TNKS2: variants seen among roughly 807,000 people sequenced by gnomAD.
TNKS2 encodes the protein tankyrase 2, also known as poly [ADP-ribose] polymerase tankyrase-2.
A neutral mutation model predicts 137.6 loss-of-function variants in TNKS2; 72 were observed. That is an observed-to-expected ratio of 0.52 (90% CI 0.43 to 0.64). The LOEUF (loss-of-function observed/expected upper bound fraction) is 0.64, where lower values mean the gene tolerates loss of function less well. TNKS2 is among the 30% of genes least tolerant of loss of function. TNKS2 has a pLI of 0.00. For missense variants in TNKS2, 1,049 were observed against 1,410.2 expected, an observed-to-expected ratio of 0.74 and a Z score of 4.10; for synonymous variants, 516 against 512.1, an observed-to-expected ratio of 1.01 and a Z score of -0.10.
intron 2 of TNKS2, among the ~76,000 whole-genome samples, chr10:91,814,366 C>G (rs1244429845): frequency 6.6e-6 from 1 of 151,968 alleles, no homozygotes; most frequent in Non-Finnish European, 1.5e-5. Context: ...TTACAAAAGT[C>G]AAAAAGCCTT....
intron 1 of TNKS2, among the ~76,000 whole-genome samples, chr10:91,803,527 T>C (rs543353270): frequency 6.6e-6 from 1 of 152,248 alleles, no homozygotes; most frequent in South Asian, 2.1e-4. Context: ...CCTGTAGTCC[T>C]AGCTACTTGG....
intron 17 of TNKS2, 43 bp from the exon 18 acceptor site, chr10:91,845,709 A>G (rs1407222887): frequency 1.4e-6 from 2 of 1,382,108 alleles, no homozygotes; most frequent in Non-Finnish European, 1.9e-6. Context: ...GTAAAGTGTG[A>G]CAAAATAATA....
At chr10:91,847,459 G>A (rs1024824686) in intron 18 of TNKS2, among the ~76,000 whole-genome samples, 2 of 152,080 alleles carry the variant, frequency 1.3e-5, no homozygotes, top group Non-Finnish European at 2.9e-5. Flanking sequence ...CCGCCTCCCA[G>A]GTTCAAATGA....
At chr10:91,809,225 GA>G (rs1242262033) in intron 1 of TNKS2, among the ~76,000 whole-genome samples, 2 of 152,074 alleles carry the variant, frequency 1.3e-5, no homozygotes, top group African/African-American at 4.8e-5. Flanking sequence ...CAACGTATGT[GA>G]AAAAAAGTGG....
Position 91,798,899 on chromosome 10 carries a change from G to A in TNKS2, c.199+10G>A. 1.4e-6 allele frequency: 2 copies of A among 1,380,168 alleles called. No individual in the cohort carries two copies. Among genetic ancestry groups the A allele is most frequent in the South Asian group, 1.7e-5 (1 of 59,982 alleles). 85.5% of individuals were successfully genotyped at this position (1,380,168 alleles called of 1,614,324 possible). ...CTGCACTTCGCCGCAGGTAACCGGG[G>A]CCAGCGTCCCCTCGCCTCGCTCCAG... On this transcript the variant is annotated intron_variant, in intron 1 of 26. Transcript: ENST00000371627.
intron 12 of TNKS2, among the ~76,000 whole-genome samples, chr10:91,836,054 T>TG (rs1759584432): frequency 1.4e-5 from 2 of 146,012 alleles, no homozygotes; most frequent in Non-Finnish European, 3.0e-5. Context: ...TTTTTTTTTT[T>TG]TTTTTGAGAC....
chr10:91,823,930 G>A (rs912859517), intron 7 of TNKS2, among the ~76,000 whole-genome samples: 1 of 152,162 alleles, frequency 6.6e-6, no homozygotes, highest in Non-Finnish European at 1.5e-5. Context: ...TGGCTGTAAT[G>A]TTATACATTT....
At chr10:91,846,514 T>G (rs886714788) in intron 18 of TNKS2, among the ~76,000 whole-genome samples, 1 of 152,250 alleles carries the variant, frequency 6.6e-6, no homozygotes. Flanking sequence ...GAGCTTCCAC[T>G]GAACCTTCCA....
chr10:91,849,478 A>C, intron 19 of TNKS2, 34 bp from the exon 20 acceptor site: 2 of 1,530,922 alleles, frequency 1.3e-6, no homozygotes, highest in Middle Eastern at 1.7e-4. Context: ...TCTGATGTGA[A>C]ATTCCATTTG....
At chr10:91,851,158 T>C in intron 20 of TNKS2, 58 bp from the exon 21 acceptor site, 1 of 1,587,164 alleles carries the variant, frequency 6.3e-7, no homozygotes. Flanking sequence ...AAAACACCAA[T>C]ATATGAATGT....
chr10:91,827,717 G>A (rs1845111103), intron 8 of TNKS2, among the ~76,000 whole-genome samples: 1 of 152,148 alleles, frequency 6.6e-6, no homozygotes, highest in African/African-American at 2.4e-5. Context: ...ACTTATATTG[G>A]ATTTATATTA....
intron 21 of TNKS2, among the ~76,000 whole-genome samples, chr10:91,854,795 C>T (rs762146536): frequency 4.6e-5 from 7 of 151,002 alleles, no homozygotes; most frequent in African/African-American, 1.5e-4. Flanking sequence ...CTCAGGTACC[C>T]GGGATGCTAA....
chr10:91,837,143 C>T (rs1224212802), intron 13 of TNKS2, 145 bp downstream of exon 13: 5 of 658,932 alleles, frequency 7.6e-6, no homozygotes, highest in Non-Finnish European at 9.1e-6. Context: ...TTGTTCTCTA[C>T]AAATGAGTAG....
At chr10:91,848,251 T>G (rs1414969675) in intron 18 of TNKS2, 132 bp from the exon 19 acceptor site, 5 of 1,022,970 alleles carry the variant, frequency 4.9e-6, no homozygotes, top group Non-Finnish European at 6.8e-6. Flanking sequence ...CTTTTTAAAA[T>G]GAATAATCCT....
intron 1 of TNKS2, among the ~76,000 whole-genome samples, chr10:91,806,489 C>T (rs1037002957): frequency 6.6e-6 from 1 of 152,070 alleles, no homozygotes; most frequent in African/African-American, 2.4e-5. Flanking sequence ...GATCATCATT[C>T]CATTCATACA....
In TNKS2 at chr10:91,831,200, A is replaced by G. The variant is rs1414933724; in HGVS notation, c.1275+19A>G. On this transcript the variant is annotated intron_variant, in intron 11 of 26. Transcript: ENST00000371627. The stretch of plus-strand genomic sequence containing the variant: ...AGCAAAGGTATACTTCCTTTTTGGT[A>G]ATCTTTGGTAATCCAATGAGTTATT... 1.9e-6 allele frequency: 3 copies of G among 1,599,922 alleles called. No individual in the cohort carries two copies. The African/African-American group carries it at 4.0e-5, about 21-fold the overall frequency.
rs918258017 is a variant in TNKS2, at chr10:91,799,998, T to G, written c.199+1109T>G. 3.5e-3 allele frequency among the ~76,000 whole-genome samples: 540 copies of G among 152,372 alleles called. 6 individuals carry two copies. The highest frequency in any genetic ancestry group is 0.013 in the African/African-American group (526 of 41,590). On this transcript the variant is annotated intron_variant, in intron 1 of 26. Transcript: ENST00000371627. ...TTTCACAGATATTACTTTTACACTT[T>G]CTACCAATTGGAGATTTGTTCGCTT...
intron 11 of TNKS2, 140 bp downstream of exon 11, chr10:91,831,321 C>T (rs1358444365): frequency 1.3e-6 from 1 of 780,626 alleles, no homozygotes; most frequent in African/African-American, 1.8e-5. Context: ...AAGAATTGTC[C>T]TGCAGGTAAC....
intron 6 of TNKS2, among the ~76,000 whole-genome samples, chr10:91,821,299 T>C (rs1013570418): frequency 6.6e-6 from 1 of 152,004 alleles, no homozygotes; most frequent in African/African-American, 2.4e-5. Flanking sequence ...CCCAAAGTGC[T>C]CAGATTACAG....
Sources: gnomAD v4.1 joint callset for allele counts (sites outside exome capture counted in the v4.1 genomes callset) on GRCh38, gnomAD v4.1.1 for gene constraint, MANE v1.5 for transcripts, NCBI Gene and HGNC (gene_info 2026-07-23, HGNC 2026-07-21) for gene names.